SLC26A3: variants seen among roughly 807,000 people sequenced by gnomAD.
SLC26A3 encodes solute carrier family 26 member 3, also known as chloride anion exchanger.
Under a neutral mutation model 85.6 loss-of-function variants are expected in SLC26A3, and 64 were observed. That is an observed-to-expected ratio of 0.75 (90% CI 0.61 to 0.92). The LOEUF (loss-of-function observed/expected upper bound fraction) is 0.92, where lower values mean the gene tolerates loss of function less well. SLC26A3 is among the 40% of genes least tolerant of loss of function. The pLI, the probability that SLC26A3 is intolerant of heterozygous loss-of-function variation, is 0.00. For synonymous variants in SLC26A3, 349 were observed against 336.0 expected, an observed-to-expected ratio of 1.04 and a Z score of -0.42; for missense variants, 922 against 927.3, an observed-to-expected ratio of 0.99 and a Z score of 0.07.
At position 107,793,984 on chromosome 7, in the gene SLC26A3, A is replaced by G. The variant is rs1562882013; in HGVS notation, c.132-103T>C. ...AAGATGGTAATATGCTAAAGATTAA[A>G]CTAGTAATTTCACTCCCAGTAACAT... On this transcript the variant is annotated intron_variant, in intron 2 of 20. Coordinates refer to ENST00000340010, the MANE Select transcript of SLC26A3 (RefSeq NM_000111.3). The G allele has an allele frequency of 1.7e-5, 25 of 1,441,016 alleles. No individual in the cohort carries two copies. The East Asian group carries it at 3.5e-4, about 20-fold the overall frequency. The allele number at this position is 1,441,016 out of a possible 1,614,324, so 89.3% of individuals were successfully genotyped here.
At position 107,791,081 on chromosome 7, in the gene SLC26A3, C is replaced by G. The variant is rs374927524; in HGVS notation, c.537G>C (p.Ala179=). 4 of 1,613,874 alleles carry G rather than the reference C, an allele frequency of 2.5e-6. No homozygotes were observed. Among genetic ancestry groups the G allele is most frequent in the African/African-American group, 1.3e-5 (1 of 74,906 alleles). Residue 179 remains alanine (A), a synonymous_variant, in exon 5 of 21, where the codon GCG becomes GCC. Coordinates refer to ENST00000340010, the MANE Select transcript of SLC26A3 (RefSeq NM_000111.3). ...TTCCAGAAAGCACTGTGACTGATGCCGCCGCCGCCACCCTCACCCTCTCGT... is the reference window on the plus strand; with the variant it reads ...TTCCAGAAAGCACTGTGACTGATGCGGCCGCCGCCACCCTCACCCTCTCGT... ...LDDERVRVAA[A]ASVTVLSGII...
chr7:107,782,871 C>T lies in SLC26A3; in HGVS notation c.1237G>A (p.Ala413Thr). The T allele has an allele frequency of 1.2e-6, 2 of 1,613,978 alleles. No individual in the cohort carries two copies. The highest frequency in any genetic ancestry group is 1.7e-6 in the Non-Finnish European group (2 of 1,179,994). The change falls in exon 11 of 21, where the codon GCT becomes ACT. Residue 413 changes from alanine (A) to threonine (T), a missense_variant. Ala to Thr is a moderately conservative substitution (Grantham distance 58). Transcript: ENST00000340010. ...ACGATGATGGCACCAATAAGCCCAG[C>T]AATCTGTGAGGATAAAAAAATTATC... ...QESTGGKTQI[A>T]GLIGAIIVLI...
intron 18 of SLC26A3, among the ~76,000 whole-genome samples, chr7:107,769,191 C>G (rs944361355): frequency 6.6e-6 from 1 of 151,974 alleles, no homozygotes; most frequent in African/African-American, 2.4e-5. Context: ...GGGCTGAAGA[C>G]AAAAATACCA....
In SLC26A3 at chr7:107,774,010, A is replaced by C; in HGVS notation, c.1917T>G (p.Ile639Met). 1 of 1,614,198 alleles carries C rather than the reference A, an allele frequency of 6.2e-7. No individual in the cohort carries two copies. Among genetic ancestry groups the C allele is most frequent in the Non-Finnish European group, 8.5e-7 (1 of 1,180,016 alleles). ...TGTGGAGGCTGATTTTGGGGACCTC[A>C]ATGTTGAGAGGAAGATCATCATTCC... is the stretch of plus-strand genomic sequence containing the variant. The part of the protein sequence containing the change: ...IDWNDDLPLN[I>M]EVPKISLHSL... The change falls in exon 17 of 21, where the codon ATT becomes ATG. Residue 639 changes from isoleucine to methionine, a missense_variant. By Grantham distance (10) the Ile-to-Met change is conservative. Coordinates refer to ENST00000340010, the MANE Select transcript of SLC26A3 (RefSeq NM_000111.3).
chr7:107,774,713 A>G (rs1428930085), intron 16 of SLC26A3, 64 bp downstream of exon 16: 4 of 1,154,380 alleles, frequency 3.5e-6, no homozygotes, highest in Non-Finnish European at 5.2e-6. Context: ...ATGGAACTAC[A>G]CCTTGAATCA....
intron 15 of SLC26A3, 38 bp downstream of exon 15, chr7:107,776,414 G>T: frequency 6.8e-7 from 1 of 1,477,692 alleles, no homozygotes; most frequent in Non-Finnish European, 9.5e-7. Flanking sequence ...AATTCAGTAA[G>T]ATTACAAGGA....
In SLC26A3 at chr7:107,794,412, T is replaced by G. The variant is rs1348415941; in HGVS notation, c.98A>C (p.Lys33Thr). ...CACTTTGAGATGATCCAGAAATGTC[T>G]TATGATGTCTTCCTGTCTTTTTATG... is the stretch of plus-strand genomic sequence containing the variant. ...ENHKKTGRHH[K>T]TFLDHLKVCC... The change falls in exon 2 of 21, where the codon AAG becomes ACG. Residue 33 changes from lysine (K) to threonine (T), a missense_variant. Coordinates refer to ENST00000340010, the MANE Select transcript of SLC26A3 (RefSeq NM_000111.3). 1 of 1,613,926 alleles carries G rather than the reference T, an allele frequency of 6.2e-7. No homozygotes were observed. Among genetic ancestry groups the G allele is most frequent in the Non-Finnish European group, 8.5e-7 (1 of 1,179,926 alleles).
chr7:107,768,038 G>A, intron 18 of SLC26A3, 130 bp from the exon 19 acceptor site: 3 of 786,414 alleles, frequency 3.8e-6, no homozygotes, highest in Middle Eastern at 7.0e-4. Flanking sequence ...GTGTGTGTGG[G>A]TTGCAGTGGT....
chr7:107,799,133 A>T (rs1245790881), intron 1 of SLC26A3, among the ~76,000 whole-genome samples: 1 of 152,118 alleles, frequency 6.6e-6, no homozygotes, highest in Non-Finnish European at 1.5e-5. Context: ...CTCAGCACTG[A>T]GGTTGATTAA....
At chr7:107,779,093 T>G (rs577373279) in intron 12 of SLC26A3, among the ~76,000 whole-genome samples, 6 of 152,336 alleles carry the variant, frequency 3.9e-5, no homozygotes, top group Non-Finnish European at 7.3e-5. Flanking sequence ...AATTTTAGCA[T>G]GCCAAAAGGG....
intron 19 of SLC26A3, 46 bp from the exon 20 acceptor site, chr7:107,767,690 T>C: frequency 4.4e-6 from 7 of 1,606,698 alleles, no homozygotes; most frequent in Non-Finnish European, 6.0e-6. Flanking sequence ...TGATTTTTTT[T>C]AATGTTGAAA....
At chr7:107,783,488 C>A in intron 8 of SLC26A3, 136 bp from the exon 9 acceptor site, 3 of 1,031,900 alleles carry the variant, frequency 2.9e-6, no homozygotes, top group Non-Finnish European at 4.4e-6. Flanking sequence ...GAGAATTTAG[C>A]TCCACTAACA....
chr7:107,782,944 G>A lies in SLC26A3; in HGVS notation c.1233+36C>T, dbSNP rs775333805. 1.4e-5 allele frequency: 22 copies of A among 1,608,166 alleles called. 1 individual carries two copies. The highest frequency in any genetic ancestry group is 6.6e-5 in the South Asian group (6 of 90,984). On this transcript the variant is annotated intron_variant, in intron 10 of 20. Coordinates refer to ENST00000340010, the MANE Select transcript of SLC26A3 (RefSeq NM_000111.3). ...TGGCTTGAATTTCCTAGTTACTAAC[G>A]CTAGGACAGTGCTTGCAGCAAAGAT...
intron 17 of SLC26A3, among the ~76,000 whole-genome samples, chr7:107,773,028 A>G (rs1018047635): frequency 6.6e-5 from 10 of 152,116 alleles, no homozygotes; most frequent in Non-Finnish European, 1.5e-4. Flanking sequence ...AATTTCTTAA[A>G]TTTTCTTTTT....
intron 3 of SLC26A3, among the ~76,000 whole-genome samples, chr7:107,792,147 A>G (rs1188662629): frequency 6.6e-6 from 1 of 152,210 alleles, no homozygotes; most frequent in Non-Finnish European, 1.5e-5. Context: ...TGGATTTGTC[A>G]ATGGTTTCTT....
intron 15 of SLC26A3, among the ~76,000 whole-genome samples, chr7:107,775,303 G>A (rs527834667): frequency 8.6e-5 from 13 of 151,412 alleles, no homozygotes; most frequent in African/African-American, 2.9e-4. Flanking sequence ...ATTTATTATT[G>A]TACAATTTTA....
At chr7:107,785,751 T>G (rs1446784478) in intron 8 of SLC26A3, among the ~76,000 whole-genome samples, 1 of 152,136 alleles carries the variant, frequency 6.6e-6, no homozygotes, top group African/African-American at 2.4e-5. Flanking sequence ...AAAAAAAATG[T>G]TTTTTCTTTA....
chr7:107,793,366 T>C (rs1309486171), intron 3 of SLC26A3, among the ~76,000 whole-genome samples: 2 of 152,138 alleles, frequency 1.3e-5, no homozygotes, highest in African/African-American at 4.8e-5. Flanking sequence ...GATGAGCAGA[T>C]AAAAAAATTG....
chr7:107,790,933 G>C (rs1794386830), intron 5 of SLC26A3, 115 bp downstream of exon 5: 1 of 1,110,804 alleles, frequency 9.0e-7, no homozygotes, highest in Non-Finnish European at 1.3e-6. Flanking sequence ...CCATGAGGGA[G>C]AGACAAACCA....
Sources: allele counts gnomAD v4.1 joint callset (sites outside exome capture counted in the v4.1 genomes callset), GRCh38; gene constraint gnomAD v4.1.1; transcripts MANE v1.5; gene names NCBI Gene and HGNC (gene_info 2026-07-23, HGNC 2026-07-21).